The following LNX1 variants were observed in gnomAD, a reference collection of about 807,000 sequenced individuals.
The protein encoded by LNX1 is E3 ubiquitin-protein ligase LNX.
LNX1 carries 54 observed loss-of-function variants against 68.4 expected under a neutral mutation model. That is an observed-to-expected ratio of 0.79 (90% confidence interval 0.63 to 0.99). LNX1 has a LOEUF of 0.99. Among genes scored for constraint, LNX1 ranks in the 50% least tolerant of loss-of-function variants. The pLI, the probability that LNX1 is intolerant of heterozygous loss-of-function variation, is 0.00. For missense variants in LNX1, 906 were observed against 926.4 expected, an observed-to-expected ratio of 0.98 and a Z score of 0.29; for synonymous variants, 336 against 350.0, an observed-to-expected ratio of 0.96 and a Z score of 0.45.
At chr4:53,591,667 G>C (rs930776210), upstream of LNX1, 4 of 765,220 alleles carry the variant, frequency 5.2e-6, no homozygotes, top group Non-Finnish European at 6.4e-6. Context: ...CTGCAAGCAG[G>C]TAGGTGGCGT....
chr4:53,639,588 A>G (rs1734602306), intron 1 of LNX1, among the ~76,000 whole-genome samples: 9 of 152,230 alleles, frequency 5.9e-5, no homozygotes, highest in Admixed American at 5.9e-4. Flanking sequence ...ACAAAGGCTC[A>G]CAGGAACCCA....
rs770723608 is a variant in LNX1, at chr4:53,496,059, T to C, written c.1314A>G (p.Arg438=). ...GAGCCGCACTTTCTGGGCTGCCATA[T>C]CGAAGATCATGTCCATTGATGGCTA... ...RVLAINGHDL[R]YGSPESAAHL... The change falls in exon 6 of 11, where the codon CGA becomes CGG. Residue 438 remains arginine, a synonymous_variant. Transcript: ENST00000263925. 3.1e-6 allele frequency: 5 copies of C among 1,613,902 alleles called. No homozygotes were observed. The highest frequency in any genetic ancestry group is 1.1e-5 in the South Asian group (1 of 91,088).
intron 2 of LNX1, among the ~76,000 whole-genome samples, chr4:53,546,536 A>G (rs572461704): frequency 6.6e-6 from 1 of 152,222 alleles, no homozygotes; most frequent in East Asian, 1.9e-4. Flanking sequence ...AAAAAATGTC[A>G]TAACTTGTTC....
chr4:53,565,843 T>C (rs1443919509), intron 2 of LNX1, among the ~76,000 whole-genome samples: 73 of 151,812 alleles, frequency 4.8e-4, no homozygotes, highest in African/African-American at 1.6e-3. Flanking sequence ...GAGAACTACG[T>C]GAAGAATGCA....
chr4:53,474,363 A>T (rs1416457684), intron 9 of LNX1, among the ~76,000 whole-genome samples: 2 of 152,300 alleles, frequency 1.3e-5, no homozygotes, highest in Admixed American at 1.3e-4. Context: ...ATTTTATTGG[A>T]ACACAGCCTT....
intron 1 of LNX1, among the ~76,000 whole-genome samples, chr4:53,651,218 G>C (rs1263552319): frequency 6.6e-6 from 1 of 152,166 alleles, no homozygotes; most frequent in Non-Finnish European, 1.5e-5. Flanking sequence ...TTGTGTATCT[G>C]AATGCTCTCC....
At chr4:53,577,098 T>C (rs1731541288) in intron 1 of LNX1, among the ~76,000 whole-genome samples, 1 of 152,218 alleles carries the variant, frequency 6.6e-6, no homozygotes, top group African/African-American at 2.4e-5. Flanking sequence ...GAAATCTGTA[T>C]CTATGCAGCT....
intron 1 of LNX1, among the ~76,000 whole-genome samples, chr4:53,628,314 TCAAAAAGTAGG>T (rs1312727757): frequency 6.6e-6 from 1 of 151,924 alleles, no homozygotes; most frequent in Non-Finnish European, 1.5e-5. Flanking sequence ...AACAATCCCA[TCAAAAAGTAGG>T]CAAATGGCAT....
At chr4:53,554,735 C>T (rs1729771063) in intron 2 of LNX1, among the ~76,000 whole-genome samples, 1 of 151,900 alleles carries the variant, frequency 6.6e-6, no homozygotes, top group Admixed American at 6.6e-5. Context: ...GTCTGTAATC[C>T]CAGCTACTTG....
intron 2 of LNX1, among the ~76,000 whole-genome samples, chr4:53,514,799 C>T (rs1212083158): frequency 6.6e-6 from 1 of 152,204 alleles, no homozygotes; most frequent in Admixed American, 6.5e-5. Flanking sequence ...CATACCATCT[C>T]TGTACTCAGA....
chr4:53,523,322 G>A (rs913212106), intron 2 of LNX1: 2 of 152,122 alleles, frequency 1.3e-5, no homozygotes, highest in Non-Finnish European at 2.9e-5. Flanking sequence ...CTGAAGACAA[G>A]GTCACCCAGG....
At chr4:53,624,662 C>T (rs1577806917) in intron 1 of LNX1, among the ~76,000 whole-genome samples, 1 of 152,126 alleles carries the variant, frequency 6.6e-6, no homozygotes, top group Admixed American at 6.5e-5. Context: ...TTATGCTCTC[C>T]TAGGGTTCTC....
intron 1 of LNX1, among the ~76,000 whole-genome samples, chr4:53,624,870 AG>A (rs1734015071): frequency 1.3e-5 from 2 of 152,226 alleles, no homozygotes; most frequent in African/African-American, 4.8e-5. Flanking sequence ...TATTTATTTA[AG>A]ATTCCAGAAT....
chr4:53,628,399 C>T (rs1391449206), intron 1 of LNX1, among the ~76,000 whole-genome samples: 2 of 152,072 alleles, frequency 1.3e-5, no homozygotes, highest in Non-Finnish European at 2.9e-5. Flanking sequence ...TGTTCAACAT[C>T]ACTAATCATC....
chr4:53,475,735 A>G (rs1411175956), intron 9 of LNX1, among the ~76,000 whole-genome samples: 1 of 152,186 alleles, frequency 6.6e-6, no homozygotes, highest in African/African-American at 2.4e-5. Flanking sequence ...TGTTCTTTGA[A>G]TAGTTCTGTA....
chr4:53,547,416 G>GT (rs1198381069), intron 2 of LNX1, among the ~76,000 whole-genome samples: 1 of 152,194 alleles, frequency 6.6e-6, no homozygotes, highest in Non-Finnish European at 1.5e-5. Context: ...CTCAGAGAAG[G>GT]TAAGTAACCT....
chr4:53,517,815 T>C (rs1444512049), intron 2 of LNX1, among the ~76,000 whole-genome samples: 2 of 152,158 alleles, frequency 1.3e-5, no homozygotes, highest in African/African-American at 4.8e-5. Flanking sequence ...TAGTCAGAGG[T>C]GAACTGAATA....
At chr4:53,643,725 C>T (rs1734775911) in intron 1 of LNX1, among the ~76,000 whole-genome samples, 1 of 152,166 alleles carries the variant, frequency 6.6e-6, no homozygotes, top group Non-Finnish European at 1.5e-5. Flanking sequence ...GCCTGGTAAC[C>T]TTGGGCAGCT....
intron 2 of LNX1, among the ~76,000 whole-genome samples, chr4:53,608,098 A>G (rs1194847276): frequency 6.6e-6 from 1 of 152,230 alleles, no homozygotes; most frequent in Non-Finnish European, 1.5e-5. Context: ...AATTGCAACA[A>G]AAACAAAAAT....
Sources: allele counts gnomAD v4.1 joint callset (sites outside exome capture counted in the v4.1 genomes callset), GRCh38; gene constraint gnomAD v4.1.1; transcripts MANE v1.5; gene names NCBI Gene and HGNC (gene_info 2026-07-23, HGNC 2026-07-21).